Variants in BLTP1 observed in about 807,000 individuals in gnomAD.
BLTP1 encodes the protein fragile site-associated protein.
At chr4:122,152,500 T>TCGCCGCCCCTGC in the BLTP1 span, 3 of 985,578 alleles carry the variant, frequency 3.0e-6, no homozygotes, top group Non-Finnish European at 2.4e-6. Flanking sequence ...GCTGCTGCCG[T>TCGCCGCCCCTGC]CGCCGCCCCT....
At chr4:122,344,635 TTTAAATA>T in the BLTP1 span, 1 of 1,251,764 alleles carries the variant, frequency 8.0e-7, no homozygotes, top group South Asian at 1.3e-5. Context: ...TTTAATAGTG[TTTAAATA>T]TTAAGTCACT....
chr4:122,221,051 C>T, the BLTP1 span: 1 of 977,648 alleles, frequency 1.0e-6, no homozygotes, highest in Non-Finnish European at 1.2e-6. Flanking sequence ...GCAACTACCA[C>T]CACTTTATAT....
chr4:122,159,279 T>C, the BLTP1 span, among the ~76,000 whole-genome samples: 2 of 151,920 alleles, frequency 1.3e-5, no homozygotes, highest in Non-Finnish European at 2.9e-5. Flanking sequence ...CTGGCTAACA[T>C]GGTGAAACCC....
chr4:122,193,772 C>G, the BLTP1 span: 5 of 350,342 alleles, frequency 1.4e-5, no homozygotes, highest in Admixed American at 3.2e-4. Flanking sequence ...TGAAAGAGTG[C>G]TGATACTAAC....
At chr4:122,249,857 G>A in the BLTP1 span, 1 of 982,314 alleles carries the variant, frequency 1.0e-6, no homozygotes, top group South Asian at 4.7e-5. Flanking sequence ...CTTAAGTGGA[G>A]CTTTTCCTCC....
the BLTP1 span, among the ~76,000 whole-genome samples, chr4:122,321,442 GCA>G: frequency 2.0e-3 from 303 of 149,268 alleles, 1 homozygote; most frequent in African/African-American, 7.2e-3. Flanking sequence ...ATATACACAT[GCA>G]CACACATTTA....
the BLTP1 span, chr4:122,244,161 G>T: frequency 1.1e-6 from 1 of 931,580 alleles, no homozygotes. Context: ...TCATATAGAA[G>T]ATTATTGATA....
the BLTP1 span, chr4:122,343,445 C>T: frequency 6.2e-7 from 1 of 1,613,888 alleles, no homozygotes; most frequent in Non-Finnish European, 8.5e-7. Context: ...TGGCCGAAGT[C>T]GACATAGTAG....
chr4:122,231,058 C>T, the BLTP1 span, among the ~76,000 whole-genome samples: 1 of 151,960 alleles, frequency 6.6e-6, no homozygotes, highest in African/African-American at 2.4e-5. Context: ...TTAGCCATTG[C>T]CCTTATATTA....
At chr4:122,214,616 CTTTTTTTTTTTTTT>C in the BLTP1 span, 6 of 78,472 alleles carry the variant, frequency 7.6e-5, no homozygotes, top group South Asian at 7.2e-4. Flanking sequence ...TCAGTAAATT[CTTTTTTTTTTTTTT>C]TTTTTTTTTT....
chr4:122,316,443 G>A, the BLTP1 span: 6 of 484,916 alleles, frequency 1.2e-5, no homozygotes, highest in Non-Finnish European at 1.7e-5. Flanking sequence ...CCCCAAATCA[G>A]CGCCATTCTG....
At chr4:122,292,232 T>A in the BLTP1 span, 3 of 488,588 alleles carry the variant, frequency 6.1e-6, no homozygotes, top group Non-Finnish European at 8.0e-6. Context: ...GCTTCCAAAG[T>A]GCTGGGATTA....
chr4:122,313,547 T>A, the BLTP1 span: 5 of 1,004,462 alleles, frequency 5.0e-6, no homozygotes, highest in African/African-American at 8.3e-5. Context: ...ACAATAATCT[T>A]GTGTGAAAAA....
At chr4:122,289,006 C>T in the BLTP1 span, 36 of 1,383,412 alleles carry the variant, frequency 2.6e-5, no homozygotes, top group Middle Eastern at 1.8e-4. Context: ...CTCTTTTTTC[C>T]TCAGTTTAGG....
the BLTP1 span, chr4:122,224,099 G>A: frequency 1.0e-6 from 1 of 982,454 alleles, no homozygotes; most frequent in East Asian, 1.1e-4. Context: ...GGTCTTAATG[G>A]TCTGAGTTCT....
chr4:122,156,300 A>G, the BLTP1 span, among the ~76,000 whole-genome samples: 1 of 152,234 alleles, frequency 6.6e-6, no homozygotes, highest in Non-Finnish European at 1.5e-5. Context: ...AGGAAAATGT[A>G]GAGTGAAAAT....
the BLTP1 span, chr4:122,242,946 TA>T: frequency 8.9e-7 from 1 of 1,120,466 alleles, no homozygotes; most frequent in African/African-American, 1.6e-5. Flanking sequence ...GTTGATATCA[TA>T]AAATTAGGGA....
chr4:122,357,997 G>A, the BLTP1 span, among the ~76,000 whole-genome samples: 1 of 152,094 alleles, frequency 6.6e-6, no homozygotes, highest in Non-Finnish European at 1.5e-5. Context: ...CAATAATGAT[G>A]GCTGGGAGAA....
the BLTP1 span, chr4:122,249,355 TTCTA>T: frequency 2.9e-6 from 4 of 1,395,744 alleles, no homozygotes; most frequent in Non-Finnish European, 3.8e-6. Flanking sequence ...TTGCCTGTTT[TTCTA>T]TCTTTTTGAC....
Sources: allele counts gnomAD v4.1 joint callset (sites outside exome capture counted in the v4.1 genomes callset), GRCh38; gene constraint gnomAD v4.1.1; transcripts MANE v1.5; gene names NCBI Gene and HGNC (gene_info 2026-07-23, HGNC 2026-07-21).